The following FSD1L variants were observed in gnomAD, a reference collection of about 807,000 sequenced individuals.
FSD1L encodes fibronectin type III and SPRY domain containing 1 like.
Under a neutral mutation model 71.6 loss-of-function variants are expected in FSD1L, and 45 were observed. That is an observed-to-expected ratio of 0.63 (90% CI 0.49 to 0.81). The LOEUF is 0.81. Among genes scored for constraint, FSD1L ranks in the 30% least tolerant of loss-of-function variants. FSD1L has a pLI of 0.00. For synonymous variants in FSD1L, 197 were observed against 207.2 expected (o/e 0.95, Z 0.42); for missense variants, 561 against 618.1 (o/e 0.91, Z 0.98).
chr9:105,523,749 A>G (rs921628095), intron 10 of FSD1L: 1 of 1,596,624 alleles, frequency 6.3e-7, no homozygotes, highest in South Asian at 1.1e-5. Flanking sequence ...TTCTCCAAAT[A>G]GAGATTTTCT....
At chr9:105,456,498 A>G (rs895656064) in intron 1 of FSD1L, among the ~76,000 whole-genome samples, 3 of 152,240 alleles carry the variant, frequency 2.0e-5, no homozygotes, top group Non-Finnish European at 4.4e-5. Context: ...GATTATAAAC[A>G]TAACTTTAAG....
At chr9:105,539,945 A>G (rs910098404) in intron 13 of FSD1L, among the ~76,000 whole-genome samples, 1 of 152,110 alleles carries the variant, frequency 6.6e-6, no homozygotes, top group African/African-American at 2.4e-5. Flanking sequence ...TAGAACTGCT[A>G]TGAATACTTT....
chr9:105,461,426 C>T (rs774301811), intron 1 of FSD1L, 94 bp from the exon 2 acceptor site: 6 of 513,826 alleles, frequency 1.2e-5, no homozygotes, highest in Non-Finnish European at 2.0e-5. Flanking sequence ...TATTTTGAAT[C>T]TATTAAATAA....
At chr9:105,521,083 A>G in intron 10 of FSD1L, 4 of 1,613,628 alleles carry the variant, frequency 2.5e-6, no homozygotes, top group Admixed American at 3.3e-5. Flanking sequence ...CCAAAGCCAC[A>G]TTATGTCATG....
chr9:105,512,732 T>A, intron 9 of FSD1L, 75 bp from the exon 10 acceptor site: 1 of 772,564 alleles, frequency 1.3e-6, no homozygotes, highest in East Asian at 3.0e-5. Context: ...AGGAAAATAA[T>A]GTGGTGATAG....
At position 105,468,202 on chromosome 9, in the gene FSD1L, T is replaced by C; in HGVS notation, c.217T>C (p.Ser73Pro). The C allele has an allele frequency of 7.1e-7, 1 of 1,402,336 alleles. No homozygotes were observed. Among genetic ancestry groups the C allele is most frequent in the Non-Finnish European group, 9.3e-7 (1 of 1,078,472 alleles). 86.9% of individuals were successfully genotyped at this position (1,402,336 alleles called of 1,614,324 possible). Residue 73 changes from serine to proline, a missense_variant, in exon 4 of 14, where the codon TCC becomes CCC. Physicochemically the swap from Ser to Pro is moderately conservative, Grantham distance 74 (BLOSUM62 -1). Around this residue, in one of 3 missense-constraint regions of FSD1L, gnomAD observed 410 missense variants for 413.5 expected, o/e 0.99. Transcript: ENST00000481272. ...TTTGTTTTTTAAACAGGAAAATTCGTCCAACATACTCTCAGAGTTAGATGA... is the reference window on the plus strand; with the variant it reads ...TTTGTTTTTTAAACAGGAAAATTCGCCCAACATACTCTCAGAGTTAGATGA... ...HTLKGVQENS[S>P]NILSELDEEF...
intron 1 of FSD1L, among the ~76,000 whole-genome samples, chr9:105,452,713 T>TCCTC (rs1830114331): frequency 6.7e-6 from 1 of 149,282 alleles, no homozygotes; most frequent in Non-Finnish European, 1.5e-5. Context: ...CTTCCTTCCT[T>TCCTC]CCTTCTTTCC....
At chr9:105,522,507 C>T in intron 10 of FSD1L, 1 of 1,613,592 alleles carries the variant, frequency 6.2e-7, no homozygotes, top group Non-Finnish European at 8.5e-7. Flanking sequence ...TATAGTACGG[C>T]AAAAAACTGT....
chr9:105,494,136 A>G (rs1360784394), intron 7 of FSD1L, among the ~76,000 whole-genome samples: 1 of 152,326 alleles, frequency 6.6e-6, no homozygotes, highest in African/African-American at 2.4e-5. Context: ...TTTCAGGTAC[A>G]CCAATCAGAC....
intron 10 of FSD1L, chr9:105,521,965 A>G: frequency 1.2e-6 from 2 of 1,612,994 alleles, no homozygotes; most frequent in Non-Finnish European, 1.7e-6. Context: ...ATGGTTGTAC[A>G]AGTATCAATG....
chr9:105,492,644 T>C (rs1020686241), intron 7 of FSD1L, among the ~76,000 whole-genome samples: 3 of 152,202 alleles, frequency 2.0e-5, no homozygotes, highest in African/African-American at 7.2e-5. Flanking sequence ...TTTAGTGTTA[T>C]AAATTTCCCT....
intron 7 of FSD1L, among the ~76,000 whole-genome samples, chr9:105,493,556 G>A (rs540091212): frequency 6.6e-6 from 1 of 152,120 alleles, no homozygotes; most frequent in Non-Finnish European, 1.5e-5. Context: ...ATGTTAGCTG[G>A]TGATTTTGCT....
At position 105,550,018 on chromosome 9, in the gene FSD1L, TTTTAAAAGA is replaced by T. The variant is rs1837203903; in HGVS notation, c.*3537_*3545del. 6.6e-6 allele frequency: 1 copy of T among 152,056 alleles called. No individual in the cohort carries two copies. The highest frequency in any genetic ancestry group is 1.5e-5 in the Non-Finnish European group (1 of 67,916). The allele number at this position is 152,056 out of a possible 1,614,324, so 9.4% of individuals were successfully genotyped here. ...TTATTTTTTTAAAAACGTAATTTGT[TTTTAAAAGA>T]TGAGTCTCCATTCATTGGCTAATCC... On this transcript the variant is annotated 3_prime_UTR_variant, in exon 14 of 14. Transcript: ENST00000481272.
At chr9:105,478,766 T>C (rs1354178650) in intron 5 of FSD1L, among the ~76,000 whole-genome samples, 3 of 152,220 alleles carry the variant, frequency 2.0e-5, no homozygotes, top group Non-Finnish European at 2.9e-5. Context: ...AGTATTTCTC[T>C]GGTCTCTTTG....
chr9:105,478,444 G>T (rs942200603), intron 5 of FSD1L, among the ~76,000 whole-genome samples: 1 of 152,134 alleles, frequency 6.6e-6, no homozygotes, highest in Non-Finnish European at 1.5e-5. Flanking sequence ...TATGTCCTAA[G>T]CATTTTTGCT....
In FSD1L at chr9:105,548,092, A is replaced by G. The variant is rs1186605744; in HGVS notation, c.*1609A>G. On this transcript the variant is annotated 3_prime_UTR_variant, in exon 14 of 14. Transcript: ENST00000481272. ...TTGGAATATTGTTTTTCTAGAGGACATTCATATCTGCACTATTATCTGATG... is the reference window on the plus strand; with the variant it reads ...TTGGAATATTGTTTTTCTAGAGGACGTTCATATCTGCACTATTATCTGATG... 6.6e-6 allele frequency: 1 copy of G among 152,118 alleles called. No individual in the cohort carries two copies. The highest frequency in any genetic ancestry group is 2.4e-5 in the African/African-American group (1 of 41,446). 9.4% of individuals were successfully genotyped at this position (152,118 alleles called of 1,614,324 possible).
At chr9:105,488,163 C>T (rs1176398037) in intron 7 of FSD1L, among the ~76,000 whole-genome samples, 2 of 152,128 alleles carry the variant, frequency 1.3e-5, no homozygotes, top group East Asian at 1.9e-4. Context: ...CCGAAAAATC[C>T]GCTGTGCCCC....
At chr9:105,448,837 C>CTGGGCA (rs1462286931) in intron 1 of FSD1L, among the ~76,000 whole-genome samples, 1 of 152,212 alleles carries the variant, frequency 6.6e-6, no homozygotes, top group African/African-American at 2.4e-5. Context: ...CACTCTCTGA[C>CTGGGCA]CAGTTGGTGT....
At chr9:105,509,193 T>G (rs1834252582) in intron 9 of FSD1L, among the ~76,000 whole-genome samples, 1 of 152,210 alleles carries the variant, frequency 6.6e-6, no homozygotes, top group Admixed American at 6.5e-5. Flanking sequence ...TCTTGAGAGA[T>G]CAATATGCTA....
Sources: allele counts gnomAD v4.1 joint callset (sites outside exome capture counted in the v4.1 genomes callset), GRCh38; gene constraint gnomAD v4.1.1; regional missense constraint gnomAD v4.1.1; transcripts MANE v1.5; gene names NCBI Gene and HGNC (gene_info 2026-07-23, HGNC 2026-07-21).